The following SYNPO2 variants were observed in gnomAD, a reference collection of about 807,000 sequenced individuals.
The protein encoded by SYNPO2 is synaptopodin 2, also known as synaptopodin-2.
In SYNPO2, 56 loss-of-function variants were observed where a neutral mutation model predicts 85.0. The observed-to-expected ratio is 0.66, with a 90% CI of 0.53 to 0.82. The LOEUF (loss-of-function observed/expected upper bound fraction) is 0.82. SYNPO2 is among the 40% of genes least tolerant of loss of function. The pLI is 0.00. For synonymous variants in SYNPO2, 602 were observed against 591.1 expected (o/e 1.02, Z -0.27); for missense variants, 1,575 against 1,534.2 (o/e 1.03, Z -0.44).
chr4:118,901,785 A>G (rs1437322853), intron 1 of SYNPO2, among the ~76,000 whole-genome samples: 1 of 152,242 alleles, frequency 6.6e-6, no homozygotes, highest in Non-Finnish European at 1.5e-5. Flanking sequence ...AGGTCACCAA[A>G]GCACTGTGGG....
intron 4 of SYNPO2, chr4:119,035,831 A>C (rs1578667382): frequency 1.0e-6 from 1 of 984,918 alleles, no homozygotes; most frequent in African/African-American, 1.7e-5. Context: ...AAAAAAAAAA[A>C]AAAACACCTG....
intron 1 of SYNPO2, among the ~76,000 whole-genome samples, chr4:118,999,514 T>C (rs1486784630): frequency 1.3e-5 from 2 of 152,144 alleles, no homozygotes; most frequent in East Asian, 3.8e-4. Flanking sequence ...ATATATTATC[T>C]AATAATTACA....
Position 119,007,216 on chromosome 4 carries a change from G to GTATATATATATA in SYNPO2, c.106-16196_106-16185dup, listed in dbSNP as rs66895824. ...ATTCCCAAAACAAAAAAGAACAAAG[G>GTATATATATATA]TATATATATATATATATATATATAT... On this transcript the variant is annotated intron_variant, in intron 1 of 4. Transcript: ENST00000307142. 7.5e-3 allele frequency among the ~76,000 whole-genome samples: 347 copies of GTATATATATATA among 46,148 alleles called. 9 individuals carry two copies. The highest frequency in any genetic ancestry group is 0.012 in the Non-Finnish European group (276 of 23,054). The allele number at this position is 46,148 out of a possible 152,430, so 30.3% of individuals were successfully genotyped here.
chr4:118,908,682 G>C (rs1733025011), intron 1 of SYNPO2, among the ~76,000 whole-genome samples: 1 of 151,932 alleles, frequency 6.6e-6, no homozygotes, highest in Non-Finnish European at 1.5e-5. Context: ...CTCTCTTTTG[G>C]GAGATACGTG....
rs757408574 is a variant in SYNPO2 at position 119,057,563 on chromosome 4, C to G, written c.3415C>G (p.Pro1139Ala). 3 of 1,614,042 alleles carry G rather than the reference C, an allele frequency of 1.9e-6. No homozygotes were observed. The highest frequency in any genetic ancestry group is 2.2e-5 in the South Asian group (2 of 91,068). ...PTPWEAAAKS[P>A]LGLVDDAFQP... ...TCCTTGGGAAGCAGCAGCAAAGTCTCCTCTCGGTCTAGTGGATGATGCTTT... is the reference window on the plus strand; with the variant it reads ...TCCTTGGGAAGCAGCAGCAAAGTCTGCTCTCGGTCTAGTGGATGATGCTTT... Residue 1139 changes from proline to alanine, a missense_variant, in exon 5 of 5, where the codon CCT becomes GCT. By Grantham distance (27) the Pro-to-Ala change is conservative. This residue lies in a region of SYNPO2 where 1,508 missense variants were observed against 1,446.8 expected (regional missense o/e 1.04). Coordinates refer to ENST00000307142, the MANE Select transcript of SYNPO2 (RefSeq NM_133477.3).
At chr4:119,013,523 G>T (rs1737411560) in intron 1 of SYNPO2, among the ~76,000 whole-genome samples, 1 of 152,206 alleles carries the variant, frequency 6.6e-6, no homozygotes, top group Non-Finnish European at 1.5e-5. Flanking sequence ...TTCAGTCTTG[G>T]ATATTCAGCA....
At chr4:118,871,566 T>C (rs1209021702) in intron 1 of SYNPO2, among the ~76,000 whole-genome samples, 1 of 121,474 alleles carries the variant, frequency 8.2e-6, no homozygotes, top group East Asian at 2.3e-4. Context: ...CTGAAATAAA[T>C]AACAATTTTT....
At chr4:118,911,765 G>A (rs950994240) in intron 1 of SYNPO2, among the ~76,000 whole-genome samples, 5 of 152,180 alleles carry the variant, frequency 3.3e-5, no homozygotes, top group African/African-American at 9.6e-5. Context: ...GAGTTGAGAT[G>A]AGACATGAAC....
intron 1 of SYNPO2, among the ~76,000 whole-genome samples, chr4:118,950,216 A>G (rs1025471661): frequency 1.3e-5 from 2 of 152,254 alleles, no homozygotes; most frequent in Non-Finnish European, 2.9e-5. Context: ...ATATTTAAAT[A>G]CCAATGGTTG....
intron 1 of SYNPO2, among the ~76,000 whole-genome samples, chr4:118,936,280 C>T (rs1203790952): frequency 1.3e-5 from 2 of 152,106 alleles, no homozygotes; most frequent in African/African-American, 4.8e-5. Context: ...ATATCTCCAT[C>T]GTTAAGCAAT....
chr4:119,020,080 C>G (rs1242448348), intron 1 of SYNPO2, among the ~76,000 whole-genome samples: 2 of 152,046 alleles, frequency 1.3e-5, no homozygotes, highest in African/African-American at 4.8e-5. Context: ...ATCTTAGGTA[C>G]ACTAATACAT....
intron 1 of SYNPO2, among the ~76,000 whole-genome samples, chr4:118,996,543 T>C (rs142038506): frequency 6.6e-6 from 1 of 152,064 alleles, no homozygotes; most frequent in Non-Finnish European, 1.5e-5. Context: ...TTTTGTACAA[T>C]AAAAATAAAT....
intron 1 of SYNPO2, among the ~76,000 whole-genome samples, chr4:118,859,014 C>T (rs1325042238): frequency 2.0e-5 from 3 of 152,156 alleles, no homozygotes; most frequent in African/African-American, 7.2e-5. Context: ...TCAATGAAAT[C>T]TTAGAGGCCA....
At chr4:118,879,862 C>T (rs944431452) in intron 1 of SYNPO2, among the ~76,000 whole-genome samples, 5 of 152,002 alleles carry the variant, frequency 3.3e-5, no homozygotes, top group East Asian at 1.9e-4. Flanking sequence ...CTTGATGTCC[C>T]GCCTCCCTCC....
At chr4:118,863,914 AT>A (rs1731660742) in intron 1 of SYNPO2, among the ~76,000 whole-genome samples, 1 of 152,126 alleles carries the variant, frequency 6.6e-6, no homozygotes, top group Admixed American at 6.5e-5. Context: ...TCTTTGCTTC[AT>A]TGATCTTTTG....
At chr4:118,897,418 C>G (rs144706876) in intron 1 of SYNPO2, among the ~76,000 whole-genome samples, 1 of 152,282 alleles carries the variant, frequency 6.6e-6, no homozygotes, top group African/African-American at 2.4e-5. Context: ...CTCCCCCTTC[C>G]TTCACCCCTC....
intron 1 of SYNPO2, among the ~76,000 whole-genome samples, chr4:118,855,194 G>A (rs968758650): frequency 2.6e-5 from 4 of 151,306 alleles, no homozygotes; most frequent in African/African-American, 9.7e-5. Flanking sequence ...GAAATTTGAT[G>A]GTAGATCTTT....
intron 1 of SYNPO2, among the ~76,000 whole-genome samples, chr4:118,853,039 T>C (rs985506833): frequency 5.9e-5 from 9 of 152,250 alleles, no homozygotes; most frequent in Non-Finnish European, 1.3e-4. Context: ...TTCATATTTT[T>C]ACTTGAAAGC....
At chr4:119,054,510 G>A (rs72914852) in intron 4 of SYNPO2, among the ~76,000 whole-genome samples, 2,036 of 152,238 alleles carry the variant, frequency 0.013, 36 homozygotes, top group African/African-American at 0.047. Flanking sequence ...ACAGCGAAGA[G>A]GATGGGCAGG....
Sources: allele counts gnomAD v4.1 joint callset (sites outside exome capture counted in the v4.1 genomes callset), GRCh38; gene constraint gnomAD v4.1.1; regional missense constraint gnomAD v4.1.1; transcripts MANE v1.5; gene names NCBI Gene and HGNC (gene_info 2026-07-23, HGNC 2026-07-21).